Variants in ACSL4 observed in about 807,000 individuals in gnomAD.
ACSL4 encodes acyl-CoA synthetase long chain family member 4, also known as long-chain-fatty-acid--CoA ligase 4.
ACSL4 carries 9 observed loss-of-function variants against 49.1 expected under a neutral mutation model. That is an observed-to-expected ratio of 0.18 (90% CI 0.11 to 0.32). ACSL4 has a LOEUF of 0.32. Ranked by LOEUF, ACSL4 falls within the 10% of genes least tolerant of loss-of-function variation. The pLI is 1.00. For synonymous variants in ACSL4, 191 were observed against 170.3 expected (o/e 1.12, Z -0.95); for missense variants, 333 against 493.7 (o/e 0.67, Z 3.08).
intron 1 of ACSL4, among the ~76,000 whole-genome samples, chrX:109,697,721 G>A (rs781081229): frequency 1.2e-5 from 1 of 85,717 alleles, no homozygotes; most frequent in Non-Finnish European, 2.3e-5. Context: ...GGGGGGGGGG[G>A]CGCGGGGAAC....
intron 15 of ACSL4, among the ~76,000 whole-genome samples, chrX:109,645,567 G>A (rs996839348): frequency 8.9e-6 from 1 of 111,837 alleles, no homozygotes; most frequent in Non-Finnish European, 1.9e-5. Flanking sequence ...CCACAAAGAT[G>A]GGGAAAAAAC....
intron 1 of ACSL4, among the ~76,000 whole-genome samples, chrX:109,732,289 G>A (rs1240415797): frequency 9.0e-6 from 1 of 111,673 alleles, no homozygotes; most frequent in East Asian, 2.8e-4. Flanking sequence ...TTTCAAGAGG[G>A]TGAAAAATGC....
intron 1 of ACSL4, among the ~76,000 whole-genome samples, chrX:109,715,707 T>C (rs779311708): frequency 9.0e-6 from 1 of 111,351 alleles, no homozygotes; most frequent in African/African-American, 3.3e-5. Flanking sequence ...TTAGAAGACA[T>C]GAAACTAAAA....
At chrX:109,730,702 G>C (rs978836992) in intron 1 of ACSL4, among the ~76,000 whole-genome samples, 4 of 112,523 alleles carry the variant, frequency 3.6e-5, no homozygotes, top group African/African-American at 1.3e-4. Context: ...AATTACAGTT[G>C]TAAGGCAGTA....
intron 1 of ACSL4, among the ~76,000 whole-genome samples, chrX:109,724,690 T>A (rs757796373): frequency 9.1e-6 from 1 of 110,387 alleles, no homozygotes; most frequent in Admixed American, 9.7e-5. Flanking sequence ...GGCAGGCAGA[T>A]CACTTGAGGT....
chrX:109,710,573 T>C (rs976019121), intron 1 of ACSL4, among the ~76,000 whole-genome samples: 2 of 112,872 alleles, frequency 1.8e-5, no homozygotes, highest in Non-Finnish European at 3.7e-5. Flanking sequence ...CACACTTGTA[T>C]CTTAAACAGA....
intron 11 of ACSL4, among the ~76,000 whole-genome samples, chrX:109,666,846 C>T (rs906259941): frequency 8.9e-6 from 1 of 111,886 alleles, no homozygotes; most frequent in African/African-American, 3.3e-5. Flanking sequence ...ACCCGGGAGG[C>T]GGAGGTTGCA....
chrX:109,674,748 A>T (rs1159380195), intron 8 of ACSL4, among the ~76,000 whole-genome samples: 2 of 112,518 alleles, frequency 1.8e-5, no homozygotes, highest in Middle Eastern at 4.2e-3. Flanking sequence ...CATTCTTATT[A>T]ATAACATACT....
chrX:109,690,761 G>T (rs759906394), intron 2 of ACSL4, among the ~76,000 whole-genome samples: 7 of 100,425 alleles, frequency 7.0e-5, no homozygotes, highest in African/African-American at 1.8e-4. Context: ...ACATTTTAGG[G>T]GGGGGGGGCC....
chrX:109,682,850 C>A lies in ACSL4; in HGVS notation c.275G>T (p.Arg92Leu). Residue 92 changes from arginine (R) to leucine (L), a missense_variant, in exon 4 of 16, where the codon CGC (arginine) becomes CTC (leucine). Around this residue, in one of 3 missense-constraint regions of ACSL4, gnomAD observed 157 missense variants for 201.1 expected, o/e 0.78. Transcript: ENST00000672401. ...YKWMNYLEVN[R>L]RVNNFGSGLT... ...TCCACTACCAAAGTTATTCACTCTG[C>A]GATTCACTTCAAGATAGTTCATCCA... 1 of 1,210,946 alleles carries A rather than the reference C, an allele frequency of 8.3e-7. No individual in the cohort carries two copies. Among genetic ancestry groups the A allele is most frequent in the Non-Finnish European group, 1.1e-6 (1 of 894,863 alleles).
rs779600641 is a variant in ACSL4, at chrX:109,714,772, G to A, written c.-66+18367C>T. The stretch of plus-strand genomic sequence containing the variant: ...ACCATACAGTCTTGGTGCATAGTTG[G>A]CTATACCATCTAGGTTTCTGTAAGT... On this transcript the variant is annotated intron_variant, in intron 1 of 15. Transcript: ENST00000672401. Among the ~76,000 whole-genome samples the A allele has an allele frequency of 2.7e-5, 3 of 111,963 alleles. No homozygotes were observed. In the South Asian group the frequency reaches 1.1e-3, roughly 41 times the overall value.
rs1372355461 is a variant in ACSL4, at chrX:109,643,641, T to A, written c.*388A>T. 3 of 147,969 alleles carry A rather than the reference T, an allele frequency of 2.0e-5. No homozygotes were observed. Among genetic ancestry groups the A allele is most frequent in the Admixed American group, 1.5e-4 (2 of 13,159 alleles). The allele number at this position is 147,969 out of a possible 1,213,427, so 12.2% of individuals were successfully genotyped here. ...TTCTGTCATGCTTAATATTTAAACTTCTGAAATAGGAAGACAAGAGGCATT... is the reference window on the plus strand; with the variant it reads ...TTCTGTCATGCTTAATATTTAAACTACTGAAATAGGAAGACAAGAGGCATT... On this transcript the variant is annotated 3_prime_UTR_variant, in exon 16 of 16. Transcript: ENST00000672401.
In ACSL4 at chrX:109,645,062, G is replaced by T. The variant is rs1201865314; in HGVS notation, c.1856-876C>A. On this transcript the variant is annotated intron_variant, in intron 15 of 15. Coordinates refer to ENST00000672401, the MANE Select transcript of ACSL4 (RefSeq NM_001318510.2). ...GCTGATTGCTAGCACAGCAGTCTGA[G>T]ATCAAACTGCAAGGTGGCAGGGAGG... Among the ~76,000 whole-genome samples, 17 of 113,020 alleles carry T rather than the reference G, an allele frequency of 1.5e-4. No individual in the cohort carries two copies. The Admixed American group carries it at 1.6e-3, about 10-fold the overall frequency.
intron 1 of ACSL4, among the ~76,000 whole-genome samples, chrX:109,728,724 T>G (rs1387749007): frequency 8.9e-6 from 1 of 112,170 alleles, no homozygotes; most frequent in Admixed American, 9.5e-5. Flanking sequence ...CAGAAAGGAA[T>G]CAAATTAAAT....
At chrX:109,708,122 T>A in intron 1 of ACSL4, among the ~76,000 whole-genome samples, 1 of 111,705 alleles carries the variant, frequency 9.0e-6, no homozygotes, top group Non-Finnish European at 1.9e-5. Context: ...TTTTTTGTAT[T>A]TTTGGTAGAG....
At chrX:109,676,861 C>T (rs747149145) in intron 8 of ACSL4, among the ~76,000 whole-genome samples, 3 of 112,257 alleles carry the variant, frequency 2.7e-5, no homozygotes, top group Non-Finnish European at 3.8e-5. Context: ...TAAAAATATT[C>T]TTTATCTTTG....
At chrX:109,702,860 A>T (rs775237645) in intron 1 of ACSL4, among the ~76,000 whole-genome samples, 1 of 111,688 alleles carries the variant, frequency 9.0e-6, no homozygotes, top group South Asian at 3.8e-4. Flanking sequence ...CCACGAGTCC[A>T]TACTAATATA....
At chrX:109,727,850 T>C (rs4893537) in intron 1 of ACSL4, among the ~76,000 whole-genome samples, 5,048 of 111,803 alleles carry the variant, frequency 0.045, 103 homozygotes, top group South Asian at 0.068. Flanking sequence ...AGAAAACACA[T>C]AAATTAATGG....
intron 2 of ACSL4, among the ~76,000 whole-genome samples, chrX:109,687,697 C>T (rs141427846): frequency 2.7e-5 from 3 of 111,892 alleles, no homozygotes; most frequent in African/African-American, 9.7e-5. Context: ...GCACGTTCTG[C>T]ACATGTATCC....
Sources: allele counts gnomAD v4.1 joint callset (sites outside exome capture counted in the v4.1 genomes callset), GRCh38; gene constraint gnomAD v4.1.1; regional missense constraint gnomAD v4.1.1; transcripts MANE v1.5; gene names NCBI Gene and HGNC (gene_info 2026-07-23, HGNC 2026-07-21).